Variants in SHISA9 observed in about 807,000 individuals in gnomAD.
SHISA9 encodes the protein protein shisa-9.
In SHISA9, 13 loss-of-function variants were observed where a neutral mutation model predicts 38.0. The observed-to-expected ratio is 0.34, with a 90% CI of 0.22 to 0.54. The LOEUF (loss-of-function observed/expected upper bound fraction) is 0.54. Among genes scored for constraint, SHISA9 ranks in the 20% least tolerant of loss-of-function variants. The pLI is 0.91. For synonymous variants in SHISA9, 275 were observed against 242.0 expected (o/e 1.14, Z -1.27); for missense variants, 538 against 575.8 (o/e 0.93, Z 0.67).
chr16:13,347,294 A>T, the SHISA9 span, among the ~76,000 whole-genome samples: 12 of 152,188 alleles, frequency 7.9e-5, no homozygotes, highest in African/African-American at 2.9e-4. Flanking sequence ...ATTTTATCAG[A>T]TGAGGATCCT....
the SHISA9 span, among the ~76,000 whole-genome samples, chr16:13,295,989 T>C: frequency 6.6e-6 from 1 of 152,322 alleles, no homozygotes; most frequent in Non-Finnish European, 1.5e-5. Context: ...TATATGTCTA[T>C]TAGCTAGAAA....
the SHISA9 span, among the ~76,000 whole-genome samples, chr16:13,508,296 A>C: frequency 6.6e-6 from 1 of 152,232 alleles, no homozygotes; most frequent in Non-Finnish European, 1.5e-5. Context: ...GACTTTTAAT[A>C]GCTGCATAAT....
At chr16:13,106,001 G>A (rs2073922446) in intron 2 of SHISA9, among the ~76,000 whole-genome samples, 1 of 152,178 alleles carries the variant, frequency 6.6e-6, no homozygotes, top group African/African-American at 2.4e-5. Context: ...CATAGGTAGT[G>A]TGCTACCTTC....
At chr16:13,240,726 C>T (rs1190363652), downstream of SHISA9, among the ~76,000 whole-genome samples, 2 of 152,044 alleles carry the variant, frequency 1.3e-5, no homozygotes, top group South Asian at 2.1e-4. Context: ...AATCTTGCTG[C>T]GATTTGAACT....
intron 2 of SHISA9, among the ~76,000 whole-genome samples, chr16:12,939,500 T>A (rs2071580837): frequency 6.6e-6 from 1 of 152,194 alleles, no homozygotes; most frequent in South Asian, 2.1e-4. Flanking sequence ...CATTGTACTT[T>A]GAATGGAATC....
the SHISA9 span, among the ~76,000 whole-genome samples, chr16:13,302,690 CCT>C: frequency 6.6e-6 from 1 of 152,200 alleles, no homozygotes; most frequent in Non-Finnish European, 1.5e-5. Context: ...AATCTCACTT[CCT>C]CCAGGTAGTC....
intron 2 of SHISA9, among the ~76,000 whole-genome samples, chr16:12,986,384 G>T (rs1382472399): frequency 6.6e-6 from 1 of 151,386 alleles, no homozygotes; most frequent in Admixed American, 6.6e-5. Context: ...GTAATTTGGA[G>T]TTTCATTTCC....
At chr16:13,283,355 A>G in the SHISA9 span, among the ~76,000 whole-genome samples, 1 of 152,040 alleles carries the variant, frequency 6.6e-6, no homozygotes. Context: ...GTCTTACTCT[A>G]GTGTATTAAT....
the SHISA9 span, among the ~76,000 whole-genome samples, chr16:13,367,830 A>C: frequency 4.6e-5 from 7 of 151,916 alleles, no homozygotes; most frequent in Non-Finnish European, 8.8e-5. Context: ...CCAGGTCATT[A>C]GCCTCCTAGC....
At chr16:13,495,496 C>T in the SHISA9 span, among the ~76,000 whole-genome samples, 1 of 152,040 alleles carries the variant, frequency 6.6e-6, no homozygotes, top group African/African-American at 2.4e-5. Context: ...GAAGAAAATA[C>T]TCCATTATAT....
chr16:12,927,196 C>G (rs2071402584), intron 2 of SHISA9, among the ~76,000 whole-genome samples: 1 of 152,030 alleles, frequency 6.6e-6, no homozygotes, highest in Non-Finnish European at 1.5e-5. Context: ...AAAGAAAAAT[C>G]CCAATAAGCA....
At chr16:12,976,287 C>T (rs1409676033) in intron 2 of SHISA9, among the ~76,000 whole-genome samples, 3 of 152,090 alleles carry the variant, frequency 2.0e-5, no homozygotes, top group African/African-American at 7.2e-5. Flanking sequence ...GACAGGGTTT[C>T]ACCATGTTGG....
At chr16:13,357,647 G>T in the SHISA9 span, among the ~76,000 whole-genome samples, 1 of 152,196 alleles carries the variant, frequency 6.6e-6, no homozygotes, top group Non-Finnish European at 1.5e-5. Context: ...TTTCACCTGG[G>T]TGCAGGCGGG....
chr16:12,969,194 A>T (rs2072021849), intron 2 of SHISA9, among the ~76,000 whole-genome samples: 1 of 151,646 alleles, frequency 6.6e-6, no homozygotes, highest in African/African-American at 2.4e-5. Context: ...ACGGAGGTGC[A>T]CACGATTCAG....
the SHISA9 span, among the ~76,000 whole-genome samples, chr16:13,316,792 A>G: frequency 6.6e-6 from 1 of 152,226 alleles, no homozygotes; most frequent in South Asian, 2.1e-4. Flanking sequence ...GCAGGCATAA[A>G]TATACACCTC....
the SHISA9 span, among the ~76,000 whole-genome samples, chr16:13,362,240 A>G: frequency 6.6e-6 from 1 of 151,078 alleles, no homozygotes. Context: ...GCAAAACCAA[A>G]CAACAACAAC....
chr16:12,913,642 T>C (rs1259121065), intron 1 of SHISA9, among the ~76,000 whole-genome samples: 1 of 152,172 alleles, frequency 6.6e-6, no homozygotes, highest in Non-Finnish European at 1.5e-5. Context: ...ACAAAAAAAA[T>C]CCATATCCAT....
chr16:12,923,338 G>A (rs921064772), intron 2 of SHISA9, among the ~76,000 whole-genome samples: 1 of 152,130 alleles, frequency 6.6e-6, no homozygotes, highest in Admixed American at 6.6e-5. Context: ...AGACCAGTCT[G>A]GCCAATGTGG....
At chr16:13,204,644 G>A (rs1366318732) in intron 3 of SHISA9, among the ~76,000 whole-genome samples, 3 of 152,214 alleles carry the variant, frequency 2.0e-5, no homozygotes, top group South Asian at 2.1e-4. Flanking sequence ...AAGTATTTAC[G>A]GGAGTGGGCA....
Sources: gnomAD v4.1 joint callset for allele counts (sites outside exome capture counted in the v4.1 genomes callset) on GRCh38, gnomAD v4.1.1 for gene constraint, MANE v1.5 for transcripts, NCBI Gene and HGNC (gene_info 2026-07-23, HGNC 2026-07-21) for gene names.